The following IRS1 variants were observed in gnomAD, a reference collection of about 807,000 sequenced individuals.
IRS1 encodes the protein insulin receptor substrate 1.
A neutral mutation model predicts 65.6 loss-of-function variants in IRS1; 34 were observed. The ratio of observed to expected loss-of-function variants is 0.52; its 90% CI spans 0.39 to 0.69. The LOEUF is 0.69. Ranked by LOEUF, IRS1 falls within the 30% of genes least tolerant of loss-of-function variation. The pLI, the probability that IRS1 is intolerant of heterozygous loss-of-function variation, is 0.00. For missense variants in IRS1, 1,641 were observed against 1,720.2 expected (o/e 0.95, Z 0.81); for synonymous variants, 699 against 683.5 (o/e 1.02, Z -0.35).
At chr2:226,765,505 G>C (rs1939015385) in intron 1 of IRS1, among the ~76,000 whole-genome samples, 1 of 152,130 alleles carries the variant, frequency 6.6e-6, no homozygotes, top group Admixed American at 6.5e-5. Flanking sequence ...CAACTTATCT[G>C]GGTTTCCTAC....
Position 226,798,005 on chromosome 2 carries a change from A to G in IRS1, c.734T>C (p.Val245Ala), listed in dbSNP as rs1939783171. The change falls in exon 1 of 2, where the codon GTG (valine) becomes GCG (alanine). Residue 245 changes from valine (V) to alanine (A), a missense_variant. Transcript: ENST00000305123. This position sits in a 1 kb window ranked among gnomAD's most constrained non-coding sequence, Gnocchi z 9.4. Reference protein sequence around the residue: ...EFWMQVDDSVVAQNMHETILE... With the variant: ...EFWMQVDDSVAAQNMHETILE... ...GATGGTCTCGTGCATGTTCTGGGCCACCACAGAGTCATCCACCTGCATCCA... is the reference window on the plus strand; with the variant it reads ...GATGGTCTCGTGCATGTTCTGGGCCGCCACAGAGTCATCCACCTGCATCCA... 6.2e-7 allele frequency: 1 copy of G among 1,613,852 alleles called. No homozygotes were observed. Among genetic ancestry groups the G allele is most frequent in the African/African-American group, 1.3e-5 (1 of 74,872 alleles).
At chr2:226,784,335 A>G (rs1373393669) in intron 1 of IRS1, among the ~76,000 whole-genome samples, 1 of 152,186 alleles carries the variant, frequency 6.6e-6, no homozygotes, top group Non-Finnish European at 1.5e-5. Flanking sequence ...TACTGCTATT[A>G]CTATACTCTT....
chr2:226,732,481 T>TATATAC lies in IRS1; in HGVS notation c.*3790_*3791insGTATAT, dbSNP rs973448151. 6.7e-6 allele frequency: 1 copy of TATATAC among 148,602 alleles called. No individual in the cohort carries two copies. The highest frequency in any genetic ancestry group is 2.5e-5 in the African/African-American group (1 of 40,516). 9.2% of individuals were successfully genotyped at this position (148,602 alleles called of 1,614,324 possible). ...AAGCCTATACATCTATATATATATATATATATATATACACACACACACATA... is the reference window on the plus strand; with the variant it reads ...AAGCCTATACATCTATATATATATATATATACATATATATATACACACACACACATA... On this transcript the variant is annotated 3_prime_UTR_variant, in exon 2 of 2. Coordinates refer to ENST00000305123, the MANE Select transcript of IRS1 (RefSeq NM_005544.3).
At chr2:226,791,825 G>T (rs1939614283) in intron 1 of IRS1, among the ~76,000 whole-genome samples, 3 of 152,070 alleles carry the variant, frequency 2.0e-5, no homozygotes, top group African/African-American at 7.2e-5. Flanking sequence ...CGACCACGCG[G>T]CCCGGGAAGG....
Position 226,766,155 on chromosome 2 carries a change from A to ATTT in IRS1, c.*21+28833_*21+28834insAAA, listed in dbSNP as rs1247603503. Among the ~76,000 whole-genome samples the ATTT allele has an allele frequency of 8.6e-3, 47 of 5,494 alleles. 1 individual carries two copies. Among genetic ancestry groups the ATTT allele is most frequent in the Non-Finnish European group, 0.015 (38 of 2,502 alleles). The allele number at this position is 5,494 out of a possible 152,430, so 3.6% of individuals were successfully genotyped here. ...TATATATATATATATATATATATAT[A>ATTT]TATATATATTTTTTTTTTTTTTTTT... On this transcript the variant is annotated intron_variant, in intron 1 of 1. Coordinates refer to ENST00000305123, the MANE Select transcript of IRS1 (RefSeq NM_005544.3).
intron 1 of IRS1, among the ~76,000 whole-genome samples, chr2:226,775,247 G>A (rs948417716): frequency 6.6e-6 from 1 of 152,236 alleles, no homozygotes; most frequent in Non-Finnish European, 1.5e-5. Flanking sequence ...GAACCTATAA[G>A]ACTAAAGGCA....
chr2:226,752,847 A>T (rs1938710672), intron 1 of IRS1, among the ~76,000 whole-genome samples: 1 of 152,202 alleles, frequency 6.6e-6, no homozygotes, highest in Non-Finnish European at 1.5e-5. Flanking sequence ...AGCTCCACTT[A>T]CTGGCGTGGG....
chr2:226,762,388 C>A (rs1047167379), intron 1 of IRS1, among the ~76,000 whole-genome samples: 2 of 150,210 alleles, frequency 1.3e-5, no homozygotes, highest in African/African-American at 2.4e-5. Flanking sequence ...GAGAGCAAAT[C>A]TTTATCTAAA....
At chr2:226,749,880 G>A (rs2106161946) in intron 1 of IRS1, among the ~76,000 whole-genome samples, 1 of 152,198 alleles carries the variant, frequency 6.6e-6, no homozygotes, top group South Asian at 2.1e-4. Flanking sequence ...GAATTAATAT[G>A]GACAGAGCCA....
intron 1 of IRS1, among the ~76,000 whole-genome samples, chr2:226,763,239 C>A (rs998598206): frequency 1.3e-5 from 2 of 152,158 alleles, no homozygotes; most frequent in African/African-American, 4.8e-5. Flanking sequence ...CTAAACACTT[C>A]CCATACCATC....
chr2:226,751,858 T>C (rs534610764), intron 1 of IRS1, among the ~76,000 whole-genome samples: 28 of 152,298 alleles, frequency 1.8e-4, no homozygotes, highest in Admixed American at 1.6e-3. Context: ...CCTACAGCCA[T>C]GTTTTACCAA....
At chr2:226,747,488 C>T (rs981633823) in intron 1 of IRS1, among the ~76,000 whole-genome samples, 4 of 152,096 alleles carry the variant, frequency 2.6e-5, no homozygotes, top group Admixed American at 6.5e-5. Flanking sequence ...GCACACCAAA[C>T]CAGGGTCTGT....
chr2:226,797,030 C>A lies in IRS1; in HGVS notation c.1709G>T (p.Gly570Val). ...PGGGSGGRLP[G>V]HRHSAFVPTR... ...GGGCACGAAGGCGGAGTGCCTGTGTCCCGGCAGTCGGCCTCCACTGCCACC... is the reference window on the plus strand; with the variant it reads ...GGGCACGAAGGCGGAGTGCCTGTGTACCGGCAGTCGGCCTCCACTGCCACC... The change falls in exon 1 of 2, where the codon GGA (glycine) becomes GTA (valine). Residue 570 changes from glycine (G) to valine (V), a missense_variant. Coordinates refer to ENST00000305123, the MANE Select transcript of IRS1 (RefSeq NM_005544.3). The surrounding 1 kb of genome is among the most constrained non-coding windows in gnomAD (Gnocchi z 8.1). The A allele has an allele frequency of 2.5e-6, 4 of 1,606,864 alleles. No homozygotes were observed. Among genetic ancestry groups the A allele is most frequent in the Non-Finnish European group, 3.4e-6 (4 of 1,175,202 alleles).
intron 1 of IRS1, among the ~76,000 whole-genome samples, chr2:226,781,739 C>T (rs16822630): frequency 0.096 from 14,602 of 152,120 alleles, 1,264 homozygotes; most frequent in African/African-American, 0.23. Context: ...AGGTCGGCCT[C>T]TGTAGGGACT....
In IRS1 at chr2:226,795,988, G is replaced by A. The variant is rs763332128; in HGVS notation, c.2751C>T (p.Ser917=). ...GGGATGGACACCTGACAGAAGGTGAGCTGTGGAAAGCCACCGGGCCAGACA... is the reference window on the plus strand; with the variant it reads ...GGGATGGACACCTGACAGAAGGTGAACTGTGGAAAGCCACCGGGCCAGACA... ...GYLSGPVAFH[S]SPSVRCPSQL... The change falls in exon 1 of 2, where the codon AGC becomes AGT. Residue 917 remains serine, a synonymous_variant. Coordinates refer to ENST00000305123, the MANE Select transcript of IRS1 (RefSeq NM_005544.3). 1.7e-5 allele frequency: 27 copies of A among 1,614,160 alleles called. No individual in the cohort carries two copies. The highest frequency in any genetic ancestry group is 2.2e-5 in the Non-Finnish European group (26 of 1,180,042).
At chr2:226,766,134 TATATATATATATATATA>T (rs1472786416) in intron 1 of IRS1, among the ~76,000 whole-genome samples, 125 of 3,620 alleles carry the variant, frequency 0.035, 10 homozygotes, top group Non-Finnish European at 0.061. Flanking sequence ...TATATATATA[TATATATATATATATATA>T]TATATATATA....
At chr2:226,756,879 G>A (rs531379058) in intron 1 of IRS1, among the ~76,000 whole-genome samples, 1 of 152,038 alleles carries the variant, frequency 6.6e-6, no homozygotes, top group African/African-American at 2.4e-5. Flanking sequence ...GGAGAATCAC[G>A]TGAACCCAGG....
chr2:226,757,156 G>A (rs192009792), intron 1 of IRS1, among the ~76,000 whole-genome samples: 166 of 152,144 alleles, frequency 1.1e-3, no homozygotes, highest in Middle Eastern at 3.4e-3. Context: ...TTATGACAAC[G>A]ACTGCAAGTC....
At chr2:226,748,365 G>T (rs1938599065) in intron 1 of IRS1, among the ~76,000 whole-genome samples, 1 of 146,238 alleles carries the variant, frequency 6.8e-6, no homozygotes, top group Admixed American at 7.0e-5. Flanking sequence ...GGAGGTGGAG[G>T]TTGCAGCAAG....
Sources: gnomAD v4.1 joint callset for allele counts (sites outside exome capture counted in the v4.1 genomes callset) on GRCh38, gnomAD v4.1.1 for gene constraint, Gnocchi (gnomAD v3.1) non-coding constraint, MANE v1.5 for transcripts, NCBI Gene and HGNC (gene_info 2026-07-23, HGNC 2026-07-21) for gene names.